IQSEC1: variants seen among roughly 807,000 people sequenced by gnomAD.
The protein encoded by IQSEC1 is IQ motif and Sec7 domain ArfGEF 1, also known as IQ motif and SEC7 domain-containing protein 1.
In IQSEC1, 31 loss-of-function variants were observed where a neutral mutation model predicts 91.0. The observed-to-expected ratio is 0.34, with a 90% CI of 0.26 to 0.46. IQSEC1 has a LOEUF of 0.46. Ranked by LOEUF, IQSEC1 falls within the 20% of genes least tolerant of loss-of-function variation. The pLI, the probability that IQSEC1 is intolerant of heterozygous loss-of-function variation, is 1.00. For synonymous variants in IQSEC1, 699 were observed against 662.6 expected, an observed-to-expected ratio of 1.05 and a Z score of -0.84; for missense variants, 1,388 against 1,575.6, an observed-to-expected ratio of 0.88 and a Z score of 2.02.
At chr3:13,026,864 G>GTT (rs1553680571) in intron 1 of IQSEC1, among the ~76,000 whole-genome samples, 76 of 90,852 alleles carry the variant, frequency 8.4e-4, no homozygotes, top group African/African-American at 2.4e-3. Context: ...TATCTCCCCA[G>GTT]TTTTTTTTTT....
chr3:13,267,586 G>C (rs1436698642), intron 1 of IQSEC1, among the ~76,000 whole-genome samples: 1 of 151,736 alleles, frequency 6.6e-6, no homozygotes, highest in Non-Finnish European at 1.5e-5. Flanking sequence ...CCCTTCTGGG[G>C]CCAGAGTCAG....
chr3:12,941,824 A>G lies in IQSEC1; in HGVS notation c.65T>C (p.Leu22Pro), dbSNP rs1372652424. The G allele has an allele frequency of 6.2e-7, 1 of 1,608,764 alleles. No homozygotes were observed. The highest frequency in any genetic ancestry group is 8.5e-7 in the Non-Finnish European group (1 of 1,178,584). Residue 22 changes from leucine to proline, a missense_variant, in exon 2 of 14, where the codon CTG becomes CCG. Physicochemically the swap from Leu to Pro is moderately conservative, Grantham distance 98. This residue lies in a region of IQSEC1 where 1,059 missense variants were observed against 1,317.8 expected (regional missense o/e 0.80). Transcript: ENST00000613206. ...CTGGGGGTAGGCTGAGGGGCTGTCC[A>G]GGGATGTGCCAGTCTCACTGCTGGG... is the stretch of plus-strand genomic sequence containing the variant. The part of the protein sequence containing the change: ...EAPSSETGTS[L>P]DSPSAYPQGP...
chr3:13,042,900 A>C (rs1000494413), intron 1 of IQSEC1, among the ~76,000 whole-genome samples: 1 of 152,112 alleles, frequency 6.6e-6, no homozygotes, highest in African/African-American at 2.4e-5. Context: ...TGACAGGCAA[A>C]CACTGGCCTC....
In IQSEC1 at chr3:13,253,010, G is replaced by C. The variant is rs1024031972; in HGVS notation, c.272+29701C>G. Among the ~76,000 whole-genome samples the C allele has an allele frequency of 1.4e-4, 22 of 152,310 alleles. 1 individual carries two copies. Among genetic ancestry groups the C allele is most frequent in the Admixed American group, 8.5e-4 (13 of 15,294 alleles). ...GCCTCCCAAAGTGCTGGGACTACAG[G>C]CGTAAGCCACCGCACCCGGTCCCTT... On this transcript the variant is annotated intron_variant, in intron 1 of 15. Coordinates refer to the IQSEC1 transcript ENST00000648114.
At chr3:12,918,662 A>C (rs913223425) in intron 6 of IQSEC1, among the ~76,000 whole-genome samples, 6 of 152,128 alleles carry the variant, frequency 3.9e-5, no homozygotes, top group Non-Finnish European at 5.9e-5. Flanking sequence ...AGAAAAAATA[A>C]AAATTAAAAA....
At chr3:13,223,394 C>T (rs1043951673) in intron 1 of IQSEC1, among the ~76,000 whole-genome samples, 14 of 152,316 alleles carry the variant, frequency 9.2e-5, no homozygotes, top group Admixed American at 2.0e-4. Flanking sequence ...GATAGGAGCG[C>T]GCCACCTCCT....
chr3:12,936,260 C>T lies in IQSEC1; in HGVS notation c.756G>A (p.Glu252=), dbSNP rs1698189259. Residue 252 remains glutamate, a synonymous_variant, in exon 3 of 14, where the codon GAG becomes GAA. Coordinates refer to ENST00000613206, the MANE Select transcript of IQSEC1 (RefSeq NM_001134382.3). ...DALNCRSLHT[E]EAPALDAARA... ...GCGCCGCATCCAGGGCCGGTGCCTC[C>T]TCAGTGTGCAGGCTGCGGCAGTTGA... 1 of 1,613,368 alleles carries T rather than the reference C, an allele frequency of 6.2e-7. No individual in the cohort carries two copies. Among genetic ancestry groups the T allele is most frequent in the East Asian group, 2.2e-5 (1 of 44,868 alleles).
chr3:13,048,234 T>C (rs917181543), intron 1 of IQSEC1, among the ~76,000 whole-genome samples: 6 of 152,242 alleles, frequency 3.9e-5, no homozygotes, highest in African/African-American at 1.4e-4. Flanking sequence ...CGAATGCATC[T>C]GAAAGGACTG....
rs569787618 is a variant in IQSEC1, at chr3:13,022,551, C to A, written c.23+50441G>T. Reference sequence around the variant, plus strand: ...CGGAGCCCAGGGGCTGGCCCTGCGTCCAGAGGCTGGCCTGGGATGGGAGAG... The same window carrying A: ...CGGAGCCCAGGGGCTGGCCCTGCGTACAGAGGCTGGCCTGGGATGGGAGAG... On this transcript the variant is annotated intron_variant, in intron 1 of 13. Transcript: ENST00000613206. The A allele has an allele frequency of 1.0e-5, 8 of 787,616 alleles. No individual in the cohort carries two copies. The African/African-American group carries it at 1.3e-4, about 13-fold the overall frequency. The allele number at this position is 787,616 out of a possible 1,614,324, so 48.8% of individuals were successfully genotyped here.
intron 1 of IQSEC1, among the ~76,000 whole-genome samples, chr3:12,948,257 T>C (rs1268434848): frequency 1.3e-5 from 2 of 152,236 alleles, no homozygotes; most frequent in Non-Finnish European, 2.9e-5. Context: ...TATTCTCTGA[T>C]CTACAAGCCC....
intron 1 of IQSEC1, among the ~76,000 whole-genome samples, chr3:13,027,448 C>G (rs1466544684): frequency 6.6e-6 from 1 of 152,206 alleles, no homozygotes; most frequent in African/African-American, 2.4e-5. Flanking sequence ...ACTTTACTTG[C>G]TGTGCAGAAA....
chr3:13,082,019 G>A lies in IQSEC1; in HGVS notation c.303-34497C>T, dbSNP rs114590228. 8.1e-3 allele frequency among the ~76,000 whole-genome samples: 1,241 copies of A among 152,334 alleles called. 8 individuals are homozygous for A. Among genetic ancestry groups the A allele is most frequent in the Non-Finnish European group, 0.014 (925 of 68,028 alleles). The stretch of plus-strand genomic sequence containing the variant: ...CCACCGGGCAGCACGAGGGGTGCAG[G>A]CTGTGCACTACCCAACTCCATGGGT... On this transcript the variant is annotated intron_variant, in intron 2 of 15. Transcript: ENST00000648114.
chr3:13,256,377 G>T (rs942064388), intron 1 of IQSEC1, among the ~76,000 whole-genome samples: 5 of 152,272 alleles, frequency 3.3e-5, no homozygotes, highest in South Asian at 4.2e-4. Flanking sequence ...TGACACATCA[G>T]ATATAATGAT....
At chr3:13,121,880 G>C (rs914180309) in intron 2 of IQSEC1, among the ~76,000 whole-genome samples, 1 of 152,236 alleles carries the variant, frequency 6.6e-6, no homozygotes, top group African/African-American at 2.4e-5. Context: ...ACCGTCCTAC[G>C]GAACTGCCCC....
chr3:13,058,790 T>C (rs1466711568), intron 1 of IQSEC1, among the ~76,000 whole-genome samples: 1 of 152,196 alleles, frequency 6.6e-6, no homozygotes, highest in Non-Finnish European at 1.5e-5. Context: ...CAAGATGCTG[T>C]CACGACACAC....
At chr3:13,235,162 C>T (rs917063447) in intron 1 of IQSEC1, among the ~76,000 whole-genome samples, 3 of 152,166 alleles carry the variant, frequency 2.0e-5, no homozygotes, top group African/African-American at 7.2e-5. Context: ...GGGAGAGTCC[C>T]CATCCAAAGT....
Position 13,011,972 on chromosome 3 carries a change from C to T in IQSEC1, c.23+61020G>A, listed in dbSNP as rs551460913. ...CTCACTTAAGAAGGGTGGTTTGTTCCAGCACCTGATCAGAACCTGTGGCTC... is the reference window on the plus strand; with the variant it reads ...CTCACTTAAGAAGGGTGGTTTGTTCTAGCACCTGATCAGAACCTGTGGCTC... On this transcript the variant is annotated intron_variant, in intron 1 of 13. Transcript: ENST00000613206. Among the ~76,000 whole-genome samples, 3 of 152,238 alleles carry T rather than the reference C, an allele frequency of 2.0e-5. No individual in the cohort carries two copies. The South Asian group carries it at 6.2e-4, about 32-fold the overall frequency.
chr3:13,217,497 A>AT (rs1205665273), intron 1 of IQSEC1, among the ~76,000 whole-genome samples: 6 of 152,042 alleles, frequency 3.9e-5, no homozygotes, highest in South Asian at 2.1e-4. Flanking sequence ...CATTCACACC[A>AT]TTTTTTTCAC....
chr3:13,213,945 G>T (rs912429176), intron 1 of IQSEC1, among the ~76,000 whole-genome samples: 4 of 152,052 alleles, frequency 2.6e-5, no homozygotes, highest in Non-Finnish European at 5.9e-5. Flanking sequence ...TGATTCTGCC[G>T]CCCAGAAGTC....
Sources: allele counts gnomAD v4.1 joint callset (sites outside exome capture counted in the v4.1 genomes callset), GRCh38; gene constraint gnomAD v4.1.1; regional missense constraint gnomAD v4.1.1; transcripts MANE v1.5; gene names NCBI Gene and HGNC (gene_info 2026-07-23, HGNC 2026-07-21).